The following ULK2 variants were observed in gnomAD, a reference collection of about 807,000 sequenced individuals.
ULK2 encodes the protein serine/threonine-protein kinase ULK2.
In ULK2, 76 loss-of-function variants were observed where a neutral mutation model predicts 127.5. The observed-to-expected ratio is 0.60, with a 90% CI of 0.50 to 0.72. The LOEUF is 0.72. Ranked by LOEUF, ULK2 falls within the 30% of genes least tolerant of loss-of-function variation. The probability of loss-of-function intolerance (pLI) is 0.00; values close to 1 mark genes in which losing one functional copy is unlikely to be tolerated. For missense variants in ULK2, 1,144 were observed against 1,295.9 expected (o/e 0.88, Z 1.80); for synonymous variants, 452 against 461.9 (o/e 0.98, Z 0.28).
Position 19,867,487 on chromosome 17 carries a change from T to C in ULK2, c.-70A>G. ...GCGGCGCAGGTATCAGCACCGCGGC[T>C]CCGCGGGCCCGGAGCGCGCCAGCGT... On this transcript the variant is annotated 5_prime_UTR_variant, in exon 1 of 27. Coordinates refer to ENST00000395544, the MANE Select transcript of ULK2 (RefSeq NM_014683.4). 1 of 1,281,938 alleles carries C rather than the reference T, an allele frequency of 7.8e-7. No individual in the cohort carries two copies. The highest frequency in any genetic ancestry group is 1.6e-5 in the South Asian group (1 of 62,912). The allele number at this position is 1,281,938 out of a possible 1,614,324, so 79.4% of individuals were successfully genotyped here. A position where few individuals can be genotyped will look rare whatever the true frequency, so the allele number is the denominator to read the frequency against.
In ULK2 at chr17:19,774,349, T is replaced by G. The variant is rs1029346304; in HGVS notation, c.*2000A>C. 3 of 152,286 alleles carry G rather than the reference T, an allele frequency of 2.0e-5. No homozygotes were observed. Among genetic ancestry groups the G allele is most frequent in the African/African-American group, 7.2e-5 (3 of 41,436 alleles). The allele number at this position is 152,286 out of a possible 1,614,324, so 9.4% of individuals were successfully genotyped here. The stretch of plus-strand genomic sequence containing the variant: ...TATACAAGAACAAGAAGAATTAACT[T>G]GAAAGTCACAAAGCATGGCTTGACC... On this transcript the variant is annotated 3_prime_UTR_variant, in exon 27 of 27. Transcript: ENST00000395544.
intron 6 of ULK2, among the ~76,000 whole-genome samples, chr17:19,846,108 A>G (rs1182436419): frequency 6.6e-6 from 1 of 152,184 alleles, no homozygotes; most frequent in African/African-American, 2.4e-5. Flanking sequence ...CCTGGGTGAC[A>G]GAGCGAGACT....
At chr17:19,783,642 A>G in intron 22 of ULK2, 55 bp downstream of exon 22, 1 of 1,362,008 alleles carries the variant, frequency 7.3e-7, no homozygotes, top group African/African-American at 1.5e-5. Context: ...TCATCACTAG[A>G]ATGTTCTCAT....
chr17:19,852,519 A>T (rs1365380526), intron 3 of ULK2, among the ~76,000 whole-genome samples: 1 of 130,284 alleles, frequency 7.7e-6, no homozygotes, highest in Non-Finnish European at 1.6e-5. Context: ...ACTCCATCTC[A>T]AAAAAAAAAA....
rs906170476 is a variant in ULK2, at chr17:19,795,789, T to C, written c.1998-64A>G. On this transcript the variant is annotated intron_variant, in intron 19 of 26. Coordinates refer to ENST00000395544, the MANE Select transcript of ULK2 (RefSeq NM_014683.4). ...TACTTTTTAAAACTAGAAGGGTTAA[T>C]AGGAAGTTAGAGAATGAGGAAACAA... 29 of 1,450,388 alleles carry C rather than the reference T, an allele frequency of 2.0e-5. No homozygotes were observed. The East Asian group carries it at 2.7e-4, about 14-fold the overall frequency. 89.8% of individuals were successfully genotyped at this position (1,450,388 alleles called of 1,614,324 possible).
Position 19,825,017 on chromosome 17 carries a change from G to C in ULK2, c.924+77C>G, listed in dbSNP as rs752746414. 8 of 1,278,304 alleles carry C rather than the reference G, an allele frequency of 6.3e-6. 1 individual carries two copies. The highest frequency in any genetic ancestry group is 1.9e-4 in the Middle Eastern group (1 of 5,374). 79.2% of individuals were successfully genotyped at this position (1,278,304 alleles called of 1,614,324 possible). A position where few individuals can be genotyped will look rare whatever the true frequency, so the allele number is the denominator to read the frequency against. On this transcript the variant is annotated intron_variant, in intron 12 of 26. Coordinates refer to ENST00000395544, the MANE Select transcript of ULK2 (RefSeq NM_014683.4). ...ATTACACATAAAAAGAATATCCACA[G>C]TGTATGTGCATGCTCCATTTGAGAA... is the stretch of plus-strand genomic sequence containing the variant.
At chr17:19,852,044 C>CAAAAAA (rs201031615) in intron 3 of ULK2, among the ~76,000 whole-genome samples, 3 of 49,100 alleles carry the variant, frequency 6.1e-5, no homozygotes, top group Admixed American at 2.3e-4. Context: ...GACTCCATCT[C>CAAAAAA]AAAAAAAAAA....
chr17:19,810,229 CAAAAAAAAAA>C (rs199922634), intron 14 of ULK2, 139 bp downstream of exon 14: 267 of 350,430 alleles, frequency 7.6e-4, no homozygotes, highest in East Asian at 5.2e-3. Flanking sequence ...GACTCCATCT[CAAAAAAAAAA>C]AAAAAAAAAA....
chr17:19,816,712 A>G (rs928903913), intron 13 of ULK2, 37 bp downstream of exon 13: 2 of 1,487,262 alleles, frequency 1.3e-6, no homozygotes, highest in Non-Finnish European at 1.8e-6. Flanking sequence ...TTAGTAGATT[A>G]AGAAATACAA....
At chr17:19,826,707 G>A (rs1310875879) in intron 10 of ULK2, among the ~76,000 whole-genome samples, 1 of 152,212 alleles carries the variant, frequency 6.6e-6, no homozygotes, top group African/African-American at 2.4e-5. Context: ...CGTAAGCCCA[G>A]CACTTTGGGA....
chr17:19,841,521 C>A lies in ULK2; in HGVS notation c.672G>T (p.Met224Ile). ...FQANSPQDLR[M>I]FYEKNRSLMP... ...TTAAGCTCCTGTTTTTTTCATAAAA[C>A]ATCCTTAAGTCTTGAGGACTATTGG... The change falls in exon 9 of 27, where the codon ATG becomes ATT. Residue 224 changes from methionine to isoleucine, a missense_variant. By Grantham distance (10) the Met-to-Ile change is conservative. Coordinates refer to ENST00000395544, the MANE Select transcript of ULK2 (RefSeq NM_014683.4). 6.3e-7 allele frequency: 1 copy of A among 1,587,278 alleles called. No individual in the cohort carries two copies. Among genetic ancestry groups the A allele is most frequent in the East Asian group, 2.3e-5 (1 of 43,806 alleles).
At chr17:19,856,783 T>C (rs539482452) in intron 3 of ULK2, among the ~76,000 whole-genome samples, 1 of 150,222 alleles carries the variant, frequency 6.7e-6, no homozygotes, top group Admixed American at 6.7e-5. Flanking sequence ...CCATCCTGGC[T>C]AACACGGTGA....
chr17:19,787,061 C>G (rs1469588722), intron 20 of ULK2, among the ~76,000 whole-genome samples: 1 of 151,072 alleles, frequency 6.6e-6, no homozygotes, highest in East Asian at 2.0e-4. Flanking sequence ...TGCATTGGCA[C>G]GATCTCAGCT....
chr17:19,814,450 T>TGTTGTTGTTGTTG (rs1245288933), intron 13 of ULK2, among the ~76,000 whole-genome samples: 14 of 60,092 alleles, frequency 2.3e-4, no homozygotes, highest in African/African-American at 1.1e-3. Context: ...TTTTTTTTTT[T>TGTTGTTGTTGTTG]TTTTTTTTTT....
At chr17:19,847,016 G>T in intron 5 of ULK2, 106 bp from the exon 6 acceptor site, 1 of 1,029,816 alleles carries the variant, frequency 9.7e-7, no homozygotes. Flanking sequence ...AAGGGAATGA[G>T]GAATTTGGAT....
Position 19,804,557 on chromosome 17 carries a change from T to C in ULK2, c.1295+136A>G, listed in dbSNP as rs2087471795. The C allele has an allele frequency of 2.6e-5, 22 of 832,812 alleles. No individual in the cohort carries two copies. The East Asian group carries it at 6.6e-4, about 25-fold the overall frequency. The allele number at this position is 832,812 out of a possible 1,614,324, so 51.6% of individuals were successfully genotyped here. On this transcript the variant is annotated intron_variant, in intron 15 of 26. Coordinates refer to ENST00000395544, the MANE Select transcript of ULK2 (RefSeq NM_014683.4). ...AAATTCATCAATTATAAAACTTTAT[T>C]ATTCAATTTTGTGCGTTCCCATTAT...
chr17:19,843,343 G>T, intron 7 of ULK2, 121 bp from the exon 8 acceptor site: 1 of 567,918 alleles, frequency 1.8e-6, no homozygotes, highest in Non-Finnish European at 3.0e-6. Context: ...AACACCCTGT[G>T]ATAGTTCTCT....
At chr17:19,789,026 A>C (rs1158358804) in intron 20 of ULK2, among the ~76,000 whole-genome samples, 1 of 152,198 alleles carries the variant, frequency 6.6e-6, no homozygotes, top group Non-Finnish European at 1.5e-5. Flanking sequence ...TTGCCCTGAA[A>C]GGAAGGACAC....
In ULK2 at chr17:19,810,458, A is replaced by T. The variant is rs553793101; in HGVS notation, c.1097-20T>A. 2 of 1,535,072 alleles carry T rather than the reference A, an allele frequency of 1.3e-6. No homozygotes were observed. Among genetic ancestry groups the T allele is most frequent in the South Asian group, 2.4e-5 (2 of 84,504 alleles). On this transcript the variant is annotated intron_variant, in intron 13 of 26. Coordinates refer to ENST00000395544, the MANE Select transcript of ULK2 (RefSeq NM_014683.4). ...TATCACCTAAAGGAGAGAAAAGAAC[A>T]ATCAGTTCCTGTTATACCATCTGCT...
Sources: allele counts gnomAD v4.1 joint callset (sites outside exome capture counted in the v4.1 genomes callset), GRCh38; gene constraint gnomAD v4.1.1; transcripts MANE v1.5; gene names NCBI Gene and HGNC (gene_info 2026-07-23, HGNC 2026-07-21).